GPR89B: variants seen among roughly 807,000 people sequenced by gnomAD.
The protein encoded by GPR89B is golgi pH regulator B.
Under a neutral mutation model 52.4 loss-of-function variants are expected in GPR89B, and 25 were observed. That is an observed-to-expected ratio of 0.48 (90% CI 0.35 to 0.67). The LOEUF is 0.67. GPR89B is among the 30% of genes least tolerant of loss of function. The probability of loss-of-function intolerance (pLI) is 0.01; values close to 1 mark genes in which losing one functional copy is unlikely to be tolerated. For synonymous variants in GPR89B, 52 were observed against 151.2 expected, an observed-to-expected ratio of 0.34 and a Z score of 4.81; for missense variants, 146 against 450.2, an observed-to-expected ratio of 0.32 and a Z score of 6.11.
Position 147,978,469 on chromosome 1 carries a change from C to T in GPR89B, c.910-7730C>T, listed in dbSNP as rs587668374. 1.9e-3 allele frequency among the ~76,000 whole-genome samples: 292 copies of T among 151,818 alleles called. 2 individuals carry two copies. The highest frequency in any genetic ancestry group is 4.6e-3 in the South Asian group (22 of 4,822). On this transcript the variant is annotated intron_variant, in intron 10 of 13. Transcript: ENST00000314163. ...CAGTCAGGAGGCACGGGATCAGGGACCTGCTTAAGGAAGCACTCTGACTGC... is the reference window on the plus strand; with the variant it reads ...CAGTCAGGAGGCACGGGATCAGGGATCTGCTTAAGGAAGCACTCTGACTGC...
At chr1:147,930,612 G>A (rs1293491544) in intron 1 of GPR89B, among the ~76,000 whole-genome samples, 1 of 151,808 alleles carries the variant, frequency 6.6e-6, no homozygotes, top group Non-Finnish European at 1.5e-5. Flanking sequence ...TGCCCCCTGC[G>A]CCCCTCCCTG....
intron 5 of GPR89B, among the ~76,000 whole-genome samples, chr1:147,949,701 G>A (rs1237163936): frequency 7.1e-6 from 1 of 140,386 alleles, no homozygotes; most frequent in African/African-American, 2.8e-5. Context: ...CGCGGACGGG[G>A]CAGCTGGCCG....
intron 10 of GPR89B, among the ~76,000 whole-genome samples, chr1:147,978,829 C>T (rs2149085954): frequency 6.6e-6 from 1 of 151,578 alleles, no homozygotes; most frequent in South Asian, 2.1e-4. Context: ...CCGGCACTGG[C>T]AGGGGAAAAG....
chr1:147,981,037 G>A (rs1279694725), intron 10 of GPR89B, among the ~76,000 whole-genome samples: 1,552 of 151,472 alleles, frequency 0.01, 50 homozygotes, highest in African/African-American at 0.034. Context: ...GGTTGGGGGG[G>A]GCTTTTTAAA....
intron 5 of GPR89B, among the ~76,000 whole-genome samples, chr1:147,950,278 C>T (rs587722220): frequency 6.6e-6 from 1 of 151,568 alleles, no homozygotes; most frequent in African/African-American, 2.4e-5. Context: ...GGTAGAGGTG[C>T]TCCTCACATC....
rs1432034831 is a variant in GPR89B at position 147,958,464 on chromosome 1, C to A, written c.617+4062C>A. Among the ~76,000 whole-genome samples, 12 of 148,460 alleles carry A rather than the reference C, an allele frequency of 8.1e-5. No homozygotes were observed. In the South Asian group the frequency reaches 2.0e-3, roughly 24 times the overall value. The stretch of plus-strand genomic sequence containing the variant: ...GACCAGCCTGGCCAACATGGCAAAA[C>A]CCCATCTCTAGTAAAAATACAAAAA... On this transcript the variant is annotated intron_variant, in intron 7 of 13. Transcript: ENST00000314163.
At position 147,975,945 on chromosome 1, in the gene GPR89B, T is replaced by G. The variant is rs1657797840; in HGVS notation, c.909+5986T>G. Among the ~76,000 whole-genome samples, 4 of 152,282 alleles carry G rather than the reference T, an allele frequency of 2.6e-5. No homozygotes were observed. The South Asian group carries it at 8.3e-4, about 32-fold the overall frequency. On this transcript the variant is annotated intron_variant, in intron 10 of 13. Transcript: ENST00000314163. ...AGTCATTCAGGAGCAGGTTGTTCAA[T>G]TTTCATGTAGTTGTGTAGTTTTGAG... is the stretch of plus-strand genomic sequence containing the variant.
downstream of GPR89B, chr1:147,994,361 A>G (rs1659263493): frequency 2.0e-5 from 29 of 1,467,246 alleles, 1 homozygote; most frequent in Non-Finnish European, 2.7e-5. Context: ...GGGCCTGTGT[A>G]TAAGAAAACA....
the GPR89B span, among the ~76,000 whole-genome samples, chr1:148,017,687 A>G: frequency 6.6e-6 from 1 of 150,560 alleles, no homozygotes; most frequent in Non-Finnish European, 1.5e-5. Context: ...GCAGTGAGCC[A>G]AGATCGGGCC....
At chr1:147,983,777 C>T (rs1265650929) in intron 10 of GPR89B, among the ~76,000 whole-genome samples, 3 of 151,944 alleles carry the variant, frequency 2.0e-5, no homozygotes, top group African/African-American at 7.3e-5. Context: ...GGCGATTCTT[C>T]AGGGATCTAG....
downstream of GPR89B, chr1:147,993,649 T>A (rs1468493984): frequency 1.3e-5 from 2 of 153,718 alleles, no homozygotes; most frequent in Non-Finnish European, 2.9e-5. Flanking sequence ...AAACCGTGAA[T>A]AACTTAACTG....
intron 11 of GPR89B, 126 bp downstream of exon 11, chr1:147,986,420 T>A: frequency 1.4e-6 from 1 of 735,482 alleles, no homozygotes; most frequent in South Asian, 2.0e-5. Flanking sequence ...CCACTCTGTA[T>A]ATTTTGACGT....
the GPR89B span, among the ~76,000 whole-genome samples, chr1:148,020,755 C>A: frequency 1.1e-4 from 17 of 151,996 alleles, no homozygotes; most frequent in Admixed American, 2.0e-4. Context: ...TTGCACGATC[C>A]TGGCTCACTG....
At chr1:148,009,875 G>T in the GPR89B span, among the ~76,000 whole-genome samples, 1 of 152,122 alleles carries the variant, frequency 6.6e-6, no homozygotes, top group African/African-American at 2.4e-5. Flanking sequence ...AAGAACACAG[G>T]CCGCTAAGAA....
the GPR89B span, among the ~76,000 whole-genome samples, chr1:148,015,585 A>T: frequency 6.7e-5 from 10 of 148,190 alleles, 1 homozygote; most frequent in Admixed American, 4.9e-4. Flanking sequence ...AAGTGTTGGG[A>T]TTACAGGCTT....
the GPR89B span, chr1:148,011,737 G>A: frequency 2.0e-5 from 3 of 152,304 alleles, no homozygotes; most frequent in Non-Finnish European, 2.9e-5. Context: ...GGGTCCGTGG[G>A]CCCATGGGTC....
At chr1:147,940,238 C>T in intron 3 of GPR89B, among the ~76,000 whole-genome samples, 1 of 151,742 alleles carries the variant, frequency 6.6e-6, no homozygotes, top group Non-Finnish European at 1.5e-5. Context: ...CCCGTCTCTA[C>T]TAAAAATACA....
chr1:147,956,942 T>C (rs1222330194), intron 7 of GPR89B, among the ~76,000 whole-genome samples: 1 of 152,062 alleles, frequency 6.6e-6, no homozygotes, highest in East Asian at 1.9e-4. Context: ...TTCACCATGT[T>C]GGACCAGGCT....
the GPR89B span, among the ~76,000 whole-genome samples, chr1:148,004,449 G>A: frequency 6.8e-6 from 1 of 146,622 alleles, no homozygotes; most frequent in African/African-American, 2.5e-5. Context: ...ACAGGCGTGA[G>A]CCACCGCGCC....
Sources: gnomAD v4.1 joint callset for allele counts (sites outside exome capture counted in the v4.1 genomes callset) on GRCh38, gnomAD v4.1.1 for gene constraint, MANE v1.5 for transcripts, NCBI Gene and HGNC (gene_info 2026-07-23, HGNC 2026-07-21) for gene names.